RBMS3: variants seen among roughly 807,000 people sequenced by gnomAD.
RBMS3 encodes RNA-binding motif, single-stranded-interacting protein 3.
In RBMS3, 27 loss-of-function variants were observed where a neutral mutation model predicts 66.8. That is an observed-to-expected ratio of 0.40 (90% confidence interval 0.30 to 0.56). RBMS3 has a LOEUF of 0.56. Among genes scored for constraint, RBMS3 ranks in the 20% least tolerant of loss-of-function variants. RBMS3 has a pLI of 0.40. For synonymous variants in RBMS3, 188 were observed against 183.0 expected (o/e 1.03, Z -0.22); for missense variants, 513 against 549.5 (o/e 0.93, Z 0.66).
intron 3 of RBMS3, among the ~76,000 whole-genome samples, chr3:29,491,912 G>A (rs2043560754): frequency 6.6e-6 from 1 of 151,978 alleles, no homozygotes; most frequent in Non-Finnish European, 1.5e-5. Flanking sequence ...AGAATGGCGT[G>A]AACCCAGGAG....
intron 4 of RBMS3, among the ~76,000 whole-genome samples, chr3:29,628,024 A>G (rs1156274926): frequency 6.6e-6 from 1 of 152,176 alleles, no homozygotes. Flanking sequence ...TCAATCCTAT[A>G]TTGAACAGAC....
intron 5 of RBMS3, among the ~76,000 whole-genome samples, chr3:29,752,049 C>G (rs1026795094): frequency 6.6e-6 from 1 of 152,158 alleles, no homozygotes; most frequent in African/African-American, 2.4e-5. Context: ...CACCTCAGTT[C>G]TTGTCTGGCA....
In RBMS3 at chr3:30,004,021, A is replaced by C. The variant is rs1248068285; in HGVS notation, c.*159A>C. ...GTTATACCTTACCCAATGAAAGCAA[A>C]GTTTTTATGTGCTGTGCAAATGGTC... On this transcript the variant is annotated 3_prime_UTR_variant, in exon 15 of 15. Coordinates refer to ENST00000383767, the MANE Select transcript of RBMS3 (RefSeq NM_001003793.3). 1 of 462,782 alleles carries C rather than the reference A, an allele frequency of 2.2e-6. No individual in the cohort carries two copies. Among genetic ancestry groups the C allele is most frequent in the Non-Finnish European group, 3.6e-6 (1 of 279,850 alleles). The allele number at this position is 462,782 out of a possible 1,614,324, so 28.7% of individuals were successfully genotyped here.
intron 5 of RBMS3, among the ~76,000 whole-genome samples, chr3:29,745,519 T>A (rs1400019081): frequency 6.6e-6 from 1 of 151,984 alleles, no homozygotes; most frequent in Non-Finnish European, 1.5e-5. Context: ...AGACTGATTG[T>A]CCAGCAAAAA....
chr3:29,395,426 G>C (rs2039502004), intron 1 of RBMS3, among the ~76,000 whole-genome samples: 1 of 152,148 alleles, frequency 6.6e-6, no homozygotes, highest in Admixed American at 6.5e-5. Context: ...ATCCCCATCT[G>C]TAAAATGGGG....
At chr3:29,881,903 T>C (rs1343534351) in intron 7 of RBMS3, among the ~76,000 whole-genome samples, 2 of 152,146 alleles carry the variant, frequency 1.3e-5, no homozygotes, top group Non-Finnish European at 2.9e-5. Flanking sequence ...GAAATAAATG[T>C]GCAGTTGACT....
rs141824865 is a variant in RBMS3, at chr3:29,463,126, T to C, written c.249-25315T>C. 5.6e-3 allele frequency among the ~76,000 whole-genome samples: 854 copies of C among 152,300 alleles called. 7 individuals carry two copies. Among genetic ancestry groups the C allele is most frequent in the African/African-American group, 0.02 (818 of 41,564 alleles). On this transcript the variant is annotated intron_variant, in intron 2 of 14. Coordinates refer to ENST00000383767, the MANE Select transcript of RBMS3 (RefSeq NM_001003793.3). ...GGGGGACCTCATGGTCAGGCTTCCA[T>C]GACAAGGTGATATTTAGACAATATG... is the stretch of plus-strand genomic sequence containing the variant.
At chr3:29,471,735 TTTGGTAATTACTGTCC>T (rs2042735862) in intron 2 of RBMS3, among the ~76,000 whole-genome samples, 1 of 150,988 alleles carries the variant, frequency 6.6e-6, no homozygotes, top group African/African-American at 2.4e-5. Flanking sequence ...TTTTTTTTTT[TTTGGTAATTACTGTCC>T]TTTGATATGG....
intron 7 of RBMS3, among the ~76,000 whole-genome samples, chr3:29,875,238 A>G (rs2059585614): frequency 6.6e-6 from 1 of 152,204 alleles, no homozygotes; most frequent in African/African-American, 2.4e-5. Flanking sequence ...TTTAAGCAAC[A>G]GTTTACAACC....
At chr3:29,914,211 C>T (rs757789264) in intron 10 of RBMS3, among the ~76,000 whole-genome samples, 1 of 151,904 alleles carries the variant, frequency 6.6e-6, no homozygotes, top group Non-Finnish European at 1.5e-5. Context: ...TCAAAACTGA[C>T]TCAGGAAATT....
chr3:29,591,823 C>A (rs2047749056), intron 4 of RBMS3, among the ~76,000 whole-genome samples: 1 of 152,168 alleles, frequency 6.6e-6, no homozygotes, highest in Non-Finnish European at 1.5e-5. Flanking sequence ...AAAGAAGTCA[C>A]TCCCTCTCAG....
chr3:29,724,033 G>C lies in RBMS3; in HGVS notation c.400-15687G>C, dbSNP rs770585076. ...TAAAAAAAAAAAGCCACACAGTTTT[G>C]ATTAATGAGCCCAGTAATAAATCAT... On this transcript the variant is annotated intron_variant, in intron 4 of 14. Transcript: ENST00000383767. Among the ~76,000 whole-genome samples, 89 of 150,346 alleles carry C rather than the reference G, an allele frequency of 5.9e-4. 1 individual carries two copies. The highest frequency in any genetic ancestry group is 2.1e-4 in the South Asian group (1 of 4,748).
chr3:29,479,442 A>C (rs2125815962), intron 2 of RBMS3, among the ~76,000 whole-genome samples: 1 of 152,086 alleles, frequency 6.6e-6, no homozygotes, highest in East Asian at 1.9e-4. Flanking sequence ...ATTATGCATC[A>C]AGCTCTATAC....
At chr3:29,949,360 T>C (rs1321029708) in intron 12 of RBMS3, among the ~76,000 whole-genome samples, 4 of 151,808 alleles carry the variant, frequency 2.6e-5, no homozygotes, top group African/African-American at 9.7e-5. Flanking sequence ...TCTGCCACTG[T>C]AGCATGAAAG....
chr3:29,769,269 G>A (rs1055176200), intron 6 of RBMS3, among the ~76,000 whole-genome samples: 2 of 151,832 alleles, frequency 1.3e-5, no homozygotes, highest in Non-Finnish European at 2.9e-5. Flanking sequence ...AGAGTTAGAT[G>A]GCTGATAAAA....
chr3:29,598,546 CCTTA>C (rs996397944), intron 4 of RBMS3, among the ~76,000 whole-genome samples: 16 of 151,886 alleles, frequency 1.1e-4, no homozygotes, highest in Non-Finnish European at 1.9e-4. Context: ...ATTCTCTCTC[CCTTA>C]CTTAACTTCT....
chr3:29,283,615 ACT>A (rs2032009779), intron 1 of RBMS3, among the ~76,000 whole-genome samples: 1 of 152,056 alleles, frequency 6.6e-6, no homozygotes, highest in Admixed American at 6.6e-5. Context: ...GGATCTTGTT[ACT>A]CTCAAGCTAG....
chr3:29,994,397 T>G (rs935400087), intron 14 of RBMS3, among the ~76,000 whole-genome samples: 19 of 151,808 alleles, frequency 1.3e-4, no homozygotes, highest in African/African-American at 2.9e-4. Flanking sequence ...AAACAAAGCA[T>G]CCCGGAAGCT....
rs550294826 is a variant in RBMS3, at chr3:29,333,152, A to G, written c.75+51396A>G. Among the ~76,000 whole-genome samples, 18 of 152,262 alleles carry G rather than the reference A, an allele frequency of 1.2e-4. No individual in the cohort carries two copies. The East Asian group carries it at 3.1e-3, about 26-fold the overall frequency. ...TCTGTATGTATAGTAATATTTGCAT[A>G]TGTTACTTTTATATCAGAGAGAAAT... On this transcript the variant is annotated intron_variant, in intron 1 of 14. Transcript: ENST00000383767.
Sources: gnomAD v4.1 joint callset for allele counts (sites outside exome capture counted in the v4.1 genomes callset) on GRCh38, gnomAD v4.1.1 for gene constraint, MANE v1.5 for transcripts, NCBI Gene and HGNC (gene_info 2026-07-23, HGNC 2026-07-21) for gene names.